Variants in SDK1 observed in about 807,000 individuals in gnomAD.
SDK1 encodes protein sidekick-1.
A neutral mutation model predicts 245.5 loss-of-function variants in SDK1; 157 were observed. That is an observed-to-expected ratio of 0.64 (90% confidence interval 0.56 to 0.73). The LOEUF (loss-of-function observed/expected upper bound fraction) is 0.73. SDK1 is among the 30% of genes least tolerant of loss of function. SDK1 has a pLI of 0.00. For missense variants in SDK1, 3,583 were observed against 3,002.3 expected (o/e 1.19, Z -4.52); for synonymous variants, 1,647 against 1,278.5 (o/e 1.29, Z -6.15).
chr7:3,933,400 G>T (rs550424488), intron 5 of SDK1, among the ~76,000 whole-genome samples: 1 of 152,104 alleles, frequency 6.6e-6, no homozygotes, highest in Non-Finnish European at 1.5e-5. Context: ...GGTGTGAGCC[G>T]CTGCACCCAG....
intron 4 of SDK1, among the ~76,000 whole-genome samples, chr7:3,655,798 A>G (rs920089724): frequency 6.6e-6 from 1 of 151,966 alleles, no homozygotes; most frequent in East Asian, 1.9e-4. Flanking sequence ...CGAGACTCAG[A>G]AAACAGGTTT....
intron 1 of SDK1, among the ~76,000 whole-genome samples, chr7:3,468,663 G>C (rs1295470774): frequency 2.0e-5 from 3 of 152,154 alleles, no homozygotes; most frequent in Non-Finnish European, 2.9e-5. Flanking sequence ...CATGCCCAGA[G>C]AGGCCAGGAA....
At chr7:3,894,576 G>A (rs1471841618) in intron 5 of SDK1, among the ~76,000 whole-genome samples, 1 of 152,086 alleles carries the variant, frequency 6.6e-6, no homozygotes, top group Non-Finnish European at 1.5e-5. Flanking sequence ...ATGCTCCGGG[G>A]TCTCGCCCAG....
At chr7:4,194,635 G>A (rs534010262) in intron 35 of SDK1, among the ~76,000 whole-genome samples, 2 of 152,294 alleles carry the variant, frequency 1.3e-5, no homozygotes, top group Non-Finnish European at 2.9e-5. Context: ...GAAGCTTCCA[G>A]TATGGGAGAA....
chr7:3,336,064 A>T (rs1336046819), intron 1 of SDK1, among the ~76,000 whole-genome samples: 1 of 152,210 alleles, frequency 6.6e-6, no homozygotes, highest in African/African-American at 2.4e-5. Flanking sequence ...CAGTAGGCAC[A>T]GACAGCAAAA....
At chr7:3,818,104 A>G (rs963461143) in intron 4 of SDK1, among the ~76,000 whole-genome samples, 2 of 152,138 alleles carry the variant, frequency 1.3e-5, no homozygotes, top group Admixed American at 1.3e-4. Context: ...CTTTACTACT[A>G]TCCCATGGAA....
chr7:4,148,926 C>G (rs1314222661), intron 29 of SDK1, among the ~76,000 whole-genome samples: 1 of 152,134 alleles, frequency 6.6e-6, no homozygotes, highest in African/African-American at 2.4e-5. Flanking sequence ...CGTGGTGGTG[C>G]ACACCTGTAG....
intron 1 of SDK1, among the ~76,000 whole-genome samples, chr7:3,403,444 T>G (rs1158489591): frequency 1.3e-5 from 2 of 152,112 alleles, no homozygotes; most frequent in African/African-American, 4.8e-5. Context: ...TTGATGGTGT[T>G]TTTTGTTTGA....
chr7:3,982,285 T>C (rs1486404300), intron 13 of SDK1, among the ~76,000 whole-genome samples: 1 of 152,226 alleles, frequency 6.6e-6, no homozygotes, highest in East Asian at 1.9e-4. Flanking sequence ...TTTGAAAATA[T>C]TACTGCTTAT....
At chr7:3,799,474 G>T (rs1231947629) in intron 4 of SDK1, among the ~76,000 whole-genome samples, 1 of 151,868 alleles carries the variant, frequency 6.6e-6, no homozygotes, top group Admixed American at 6.6e-5. Flanking sequence ...GGAGGCCGAG[G>T]CAGGTGGATC....
At chr7:4,182,181 A>C (rs1168729799) in intron 35 of SDK1, among the ~76,000 whole-genome samples, 2 of 152,176 alleles carry the variant, frequency 1.3e-5, no homozygotes, top group Non-Finnish European at 1.5e-5. Flanking sequence ...GGCCTCCCAA[A>C]GTGCCATTTA....
chr7:3,442,856 A>G (rs1485013030), intron 1 of SDK1, among the ~76,000 whole-genome samples: 1 of 152,048 alleles, frequency 6.6e-6, no homozygotes, highest in Non-Finnish European at 1.5e-5. Flanking sequence ...TACTTGTTCT[A>G]CTCACTGTGT....
chr7:4,210,548 C>T (rs527441772), intron 38 of SDK1, among the ~76,000 whole-genome samples: 4 of 152,180 alleles, frequency 2.6e-5, no homozygotes, highest in Non-Finnish European at 4.4e-5. Flanking sequence ...CTTGAAGCCA[C>T]GCCTCACAAC....
rs1780791814 is a variant in SDK1 at position 3,950,991 on chromosome 7, G to A, written c.916G>A (p.Ala306Thr). The change falls in exon 6 of 45, where the codon GCT becomes ACT. Residue 306 changes from alanine (A) to threonine (T), a missense_variant. Physicochemically the swap from Ala to Thr is moderately conservative, Grantham distance 58. Transcript: ENST00000404826. ...TCCCCCGGGCAACAGAAGTGTGGTG[G>A]CTGGATCCAGTGAGACCACCTTGGA... The part of the protein sequence containing the change: ...VVPPGNRSVV[A>T]GSSETTLECI... 1 of 1,614,086 alleles carries A rather than the reference G, an allele frequency of 6.2e-7. No homozygotes were observed. The highest frequency in any genetic ancestry group is 8.5e-7 in the Non-Finnish European group (1 of 1,179,988).
chr7:4,121,619 C>T (rs1562841220), intron 25 of SDK1, among the ~76,000 whole-genome samples: 2 of 152,182 alleles, frequency 1.3e-5, no homozygotes. Context: ...TTATTTATCA[C>T]AGTGTGAAAA....
chr7:3,537,012 T>C (rs1778908338), intron 1 of SDK1, among the ~76,000 whole-genome samples: 1 of 152,220 alleles, frequency 6.6e-6, no homozygotes, highest in Non-Finnish European at 1.5e-5. Context: ...AATTTACACA[T>C]ATTAAAATGC....
chr7:4,113,427 G>A lies in SDK1; in HGVS notation c.3573G>A (p.Arg1191=). The change falls in exon 24 of 45, where the codon CGG becomes CGA. Residue 1191 remains arginine, a synonymous_variant. Coordinates refer to ENST00000404826, the MANE Select transcript of SDK1 (RefSeq NM_152744.4). ...GTACTGCCAGTGAGACCAGCCTGCG[G>A]CTTCGCTGGGTGGTGAGTGGGGGTG... The part of the protein sequence containing the change: ...TVRTASETSL[R]LRWVPLPDSQ... 5 of 1,613,828 alleles carry A rather than the reference G, an allele frequency of 3.1e-6. No individual in the cohort carries two copies. Among genetic ancestry groups the A allele is most frequent in the Non-Finnish European group, 4.2e-6 (5 of 1,180,034 alleles).
At chr7:3,673,977 A>C (rs1419048470) in intron 4 of SDK1, among the ~76,000 whole-genome samples, 1 of 152,226 alleles carries the variant, frequency 6.6e-6, no homozygotes, top group Non-Finnish European at 1.5e-5. Context: ...ATTTCTAATA[A>C]CTTTTTGGTA....
intron 5 of SDK1, among the ~76,000 whole-genome samples, chr7:3,889,513 CT>C (rs1042658736): frequency 2.8e-4 from 41 of 146,340 alleles, no homozygotes; most frequent in Admixed American, 3.4e-4. Context: ...CTAGATGATT[CT>C]TTTTTTTTTT....
Sources: gnomAD v4.1 joint callset for allele counts (sites outside exome capture counted in the v4.1 genomes callset) on GRCh38, gnomAD v4.1.1 for gene constraint, MANE v1.5 for transcripts, NCBI Gene and HGNC (gene_info 2026-07-23, HGNC 2026-07-21) for gene names.